The following PATJ variants were observed in gnomAD, a reference collection of about 807,000 sequenced individuals.
The protein encoded by PATJ is PATJ crumbs cell polarity complex component.
A neutral mutation model predicts 224.9 loss-of-function variants in PATJ; 190 were observed. The observed-to-expected ratio is 0.84, with a 90% CI of 0.75 to 0.95. PATJ has a LOEUF of 0.95. PATJ is among the 40% of genes least tolerant of loss of function. The probability of loss-of-function intolerance (pLI) is 0.00; values close to 1 mark genes in which losing one functional copy is unlikely to be tolerated. For missense variants in PATJ, 2,121 were observed against 2,270.3 expected (o/e 0.93, Z 1.34); for synonymous variants, 769 against 820.3 (o/e 0.94, Z 1.07).
chr1:61,952,348 G>C, intron 27 of PATJ: 2 of 713,346 alleles, frequency 2.8e-6, no homozygotes, highest in Non-Finnish European at 5.2e-6. Context: ...TCCAGCATTG[G>C]ATATTTGTCA....
At chr1:62,154,237 T>C (rs567597366) in intron 43 of PATJ, among the ~76,000 whole-genome samples, 5 of 152,296 alleles carry the variant, frequency 3.3e-5, no homozygotes, top group East Asian at 3.9e-4. Flanking sequence ...TTAATTGGAA[T>C]TTAATTTTTT....
chr1:61,999,360 GC>G (rs1558017507), intron 28 of PATJ, among the ~76,000 whole-genome samples: 1 of 152,090 alleles, frequency 6.6e-6, no homozygotes. Flanking sequence ...TCTTATATTA[GC>G]CTTTTGTATT....
intron 34 of PATJ, among the ~76,000 whole-genome samples, chr1:62,112,218 C>T (rs1163497586): frequency 6.6e-6 from 1 of 151,958 alleles, no homozygotes; most frequent in Non-Finnish European, 1.5e-5. Context: ...TTAAAAAAGC[C>T]TTGGGGGCCG....
intron 26 of PATJ, among the ~76,000 whole-genome samples, chr1:61,918,522 G>T: frequency 6.6e-6 from 1 of 151,828 alleles, no homozygotes; most frequent in East Asian, 1.9e-4. Flanking sequence ...TGTTGCCCAG[G>T]CTGGTCTTGA....
chr1:62,067,085 G>A (rs147480053), intron 31 of PATJ, among the ~76,000 whole-genome samples: 1 of 150,902 alleles, frequency 6.6e-6, no homozygotes, highest in East Asian at 2.0e-4. Context: ...GCCTCTCTTA[G>A]CAAAGAGTTC....
At chr1:62,106,158 G>GTGTGTGTGTATATATATATATATA (rs1356937495) in intron 33 of PATJ, among the ~76,000 whole-genome samples, 3 of 48,058 alleles carry the variant, frequency 6.2e-5, no homozygotes, top group Non-Finnish European at 1.3e-4. Context: ...GTGTGTGTGT[G>GTGTGTGTGTATATATATATATATA]TATATATATA....
intron 33 of PATJ, among the ~76,000 whole-genome samples, chr1:62,093,194 A>G (rs1467973755): frequency 6.6e-6 from 1 of 152,206 alleles, no homozygotes; most frequent in Non-Finnish European, 1.5e-5. Flanking sequence ...ATACTCTCCC[A>G]TTTGGGTACT....
Position 62,086,536 on chromosome 1 carries a change from GC to G in PATJ, c.4377+1890del, listed in dbSNP as rs1247613632. Among the ~76,000 whole-genome samples the G allele has an allele frequency of 7.9e-5, 12 of 152,142 alleles. No individual in the cohort carries two copies. In the East Asian group the frequency reaches 2.3e-3, roughly 29 times the overall value. On this transcript the variant is annotated intron_variant, in intron 33 of 43. Coordinates refer to ENST00000642238, the MANE Select transcript of PATJ (RefSeq NM_001350145.3). The surrounding 1 kb of genome is among the most constrained non-coding windows in gnomAD (Gnocchi z 4.0). ...ATTTAGTAAGCAATAAATTGTACAT[GC>G]CAGATAAAACAAACATATCAGGGTC...
At chr1:61,773,318 G>A (rs913149347) in intron 6 of PATJ, among the ~76,000 whole-genome samples, 19 of 151,754 alleles carry the variant, frequency 1.3e-4, no homozygotes, top group African/African-American at 3.4e-4. Flanking sequence ...CACTGCACCC[G>A]GCCCTCCAAT....
chr1:61,969,960 C>G (rs1682720997), intron 27 of PATJ, among the ~76,000 whole-genome samples: 1 of 152,112 alleles, frequency 6.6e-6, no homozygotes, highest in Non-Finnish European at 1.5e-5. Flanking sequence ...TCCCAAAGTG[C>G]TGGGATTACA....
intron 43 of PATJ, among the ~76,000 whole-genome samples, chr1:62,156,185 G>C (rs1041495915): frequency 6.6e-6 from 1 of 151,342 alleles, no homozygotes; most frequent in African/African-American, 2.4e-5. Context: ...AGATCAGCCT[G>C]GACAACAAAA....
intron 26 of PATJ, 91 bp from the exon 27 acceptor site, chr1:61,927,638 AT>A: frequency 1.3e-6 from 1 of 780,996 alleles, no homozygotes; most frequent in South Asian, 1.8e-5. Context: ...TGGTCTAAAT[AT>A]TTCCAGACTA....
chr1:62,102,640 C>T (rs1018173846), intron 33 of PATJ, among the ~76,000 whole-genome samples: 4 of 151,848 alleles, frequency 2.6e-5, no homozygotes, highest in Non-Finnish European at 4.4e-5. Context: ...ATCACTTCAG[C>T]CCAGAAGTTC....
intron 21 of PATJ, among the ~76,000 whole-genome samples, chr1:61,875,795 A>G (rs1667258254): frequency 6.6e-6 from 1 of 152,200 alleles, no homozygotes; most frequent in African/African-American, 2.4e-5. Flanking sequence ...ATAGCCATAT[A>G]TTACAGTCAA....
chr1:62,144,464 T>C (rs138744499), intron 41 of PATJ, among the ~76,000 whole-genome samples: 1 of 152,260 alleles, frequency 6.6e-6, no homozygotes, highest in Non-Finnish European at 1.5e-5. Flanking sequence ...CAAGTCGAGC[T>C]TTGCATTGCT....
intron 31 of PATJ, among the ~76,000 whole-genome samples, chr1:62,073,692 T>C (rs1178637511): frequency 6.6e-6 from 1 of 152,046 alleles, no homozygotes; most frequent in African/African-American, 2.4e-5. Context: ...CCCTTGCACT[T>C]AAATAAATTC....
At chr1:62,047,406 A>G (rs1431707271) in intron 30 of PATJ, among the ~76,000 whole-genome samples, 1 of 148,582 alleles carries the variant, frequency 6.7e-6, no homozygotes, top group African/African-American at 2.4e-5. Flanking sequence ...ACAAGCACCC[A>G]CCACCACGCC....
intron 26 of PATJ, among the ~76,000 whole-genome samples, chr1:61,919,520 A>G (rs948908229): frequency 6.6e-6 from 1 of 151,762 alleles, no homozygotes; most frequent in East Asian, 1.9e-4. Context: ...GCGCAGGCTG[A>G]TCTCAAACTT....
chr1:61,778,034 C>G (rs933032666), intron 7 of PATJ, among the ~76,000 whole-genome samples: 10 of 152,108 alleles, frequency 6.6e-5, no homozygotes, highest in Admixed American at 6.5e-4. Context: ...CCCAGGCCAC[C>G]ATGCCTAGCT....
Sources: allele counts gnomAD v4.1 joint callset (sites outside exome capture counted in the v4.1 genomes callset), GRCh38; gene constraint gnomAD v4.1.1; non-coding constraint Gnocchi (gnomAD v3.1); transcripts MANE v1.5; gene names NCBI Gene and HGNC (gene_info 2026-07-23, HGNC 2026-07-21).